TBC1D2B: variants seen among roughly 807,000 people sequenced by gnomAD.
TBC1D2B encodes the protein TBC1 domain family member 2B.
Under a neutral mutation model 100.8 loss-of-function variants are expected in TBC1D2B, and 64 were observed. The ratio of observed to expected loss-of-function variants is 0.64; its 90% CI spans 0.52 to 0.78. The LOEUF is 0.78. Among genes scored for constraint, TBC1D2B ranks in the 30% least tolerant of loss-of-function variants. The pLI, the probability that TBC1D2B is intolerant of heterozygous loss-of-function variation, is 0.00. For synonymous variants in TBC1D2B, 480 were observed against 479.7 expected, an observed-to-expected ratio of 1.00 and a Z score of -0.01; for missense variants, 1,052 against 1,218.4, an observed-to-expected ratio of 0.86 and a Z score of 2.03.
chr15:78,045,569 C>T (rs1259286424), intron 2 of TBC1D2B, among the ~76,000 whole-genome samples: 3 of 152,150 alleles, frequency 2.0e-5, no homozygotes, highest in African/African-American at 7.2e-5. Context: ...GTTTGCACAT[C>T]ACAGAATAGC....
At chr15:78,041,030 G>GT (rs1268591423) in intron 3 of TBC1D2B, among the ~76,000 whole-genome samples, 1 of 152,052 alleles carries the variant, frequency 6.6e-6, no homozygotes, top group Non-Finnish European at 1.5e-5. Context: ...TCCCAATTTT[G>GT]TTTGTTTCTT....
At chr15:78,036,616 A>G (rs1198279516) in intron 3 of TBC1D2B, among the ~76,000 whole-genome samples, 1 of 152,202 alleles carries the variant, frequency 6.6e-6, no homozygotes, top group Admixed American at 6.5e-5. Context: ...GCCAGGAACT[A>G]ACTCTGCCCT....
chr15:78,070,392 C>G (rs78752280), intron 1 of TBC1D2B, among the ~76,000 whole-genome samples: 2 of 152,194 alleles, frequency 1.3e-5, no homozygotes, highest in Non-Finnish European at 2.9e-5. Flanking sequence ...CATATCTTTC[C>G]TTTCAAACTT....
intron 1 of TBC1D2B, among the ~76,000 whole-genome samples, chr15:78,075,525 C>T (rs904188641): frequency 6.6e-6 from 1 of 152,166 alleles, no homozygotes; most frequent in South Asian, 2.1e-4. Context: ...CTACAGTCAT[C>T]TGGGAAAAAT....
At chr15:78,045,172 A>C in intron 2 of TBC1D2B, 104 bp from the exon 3 acceptor site, 1 of 995,834 alleles carries the variant, frequency 1.0e-6, no homozygotes, top group Non-Finnish European at 1.4e-6. Flanking sequence ...AATCTAAACT[A>C]TGTAATAGTA....
In TBC1D2B at chr15:77,995,041, C is replaced by T. The variant is rs1047142623; in HGVS notation, c.*3119G>A. On this transcript the variant is annotated 3_prime_UTR_variant, in exon 13 of 13. Coordinates refer to ENST00000300584, the MANE Select transcript of TBC1D2B (RefSeq NM_144572.2). ...TTAGTATTACAGTTCCAAAACGTAACTTGAAGGTCAGCACAGGAGCTGCTG... is the reference window on the plus strand; with the variant it reads ...TTAGTATTACAGTTCCAAAACGTAATTTGAAGGTCAGCACAGGAGCTGCTG... The T allele has an allele frequency of 7.2e-5, 11 of 152,242 alleles. No homozygotes were observed. Among genetic ancestry groups the T allele is most frequent in the African/African-American group, 2.7e-4 (11 of 41,468 alleles). The allele number at this position is 152,242 out of a possible 1,614,324, so 9.4% of individuals were successfully genotyped here. A position where few individuals can be genotyped will look rare whatever the true frequency, so the allele number is the denominator to read the frequency against.
In TBC1D2B at chr15:78,009,018, T is replaced by C. The variant is rs1316957738; in HGVS notation, c.2367A>G (p.Thr789=). 5.0e-6 allele frequency: 8 copies of C among 1,599,506 alleles called. No homozygotes were observed. The highest frequency in any genetic ancestry group is 6.0e-6 in the Non-Finnish European group (7 of 1,172,356). The change falls in exon 10 of 13, where the codon ACA becomes ACG. Residue 789 remains threonine (T), a synonymous_variant. Transcript: ENST00000300584. ...VEVFMPRDYY[T]KTLLGSQVDQ... is the part of the protein sequence containing the mutation. ...CTACCTGGGATCCTAAAAGAGTCTT[T>C]GTATAATAGTCTCGAGGCATGAAAA... is the stretch of plus-strand genomic sequence containing the variant.
At chr15:78,001,769 T>C in intron 11 of TBC1D2B, 29 bp from the exon 12 acceptor site, 1 of 1,585,910 alleles carries the variant, frequency 6.3e-7, no homozygotes, top group Non-Finnish European at 8.6e-7. Context: ...AATCTGTTAG[T>C]GGAAAAACCC....
At chr15:78,014,853 C>T (rs1238937680) in intron 8 of TBC1D2B, among the ~76,000 whole-genome samples, 1 of 152,222 alleles carries the variant, frequency 6.6e-6, no homozygotes, top group Non-Finnish European at 1.5e-5. Context: ...GTCAGAAATA[C>T]ACACTGAAGT....
chr15:78,068,871 G>A (rs964949421), intron 1 of TBC1D2B, among the ~76,000 whole-genome samples: 40 of 152,206 alleles, frequency 2.6e-4, no homozygotes, highest in Non-Finnish European at 4.7e-4. Flanking sequence ...CCAGCTGAGG[G>A]CTGGCCTGAC....
At position 78,009,023 on chromosome 15, in the gene TBC1D2B, A is replaced by G; in HGVS notation, c.2362T>C (p.Tyr788His). ...IVEVFMPRDY[Y>H]TKTLLGSQVD... ...TGGGATCCTAAAAGAGTCTTTGTATAATAGTCTCGAGGCATGAAAACTTCC... is the reference window on the plus strand; with the variant it reads ...TGGGATCCTAAAAGAGTCTTTGTATGATAGTCTCGAGGCATGAAAACTTCC... The change falls in exon 10 of 13, where the codon TAT (tyrosine) becomes CAT (histidine). Residue 788 changes from tyrosine to histidine, a missense_variant. Physicochemically the swap from Tyr to His is moderately conservative, Grantham distance 83. Around this residue, in one of 4 missense-constraint regions of TBC1D2B, gnomAD observed 373 missense variants for 464.9 expected, o/e 0.80. Transcript: ENST00000300584. The G allele has an allele frequency of 6.2e-7, 1 of 1,602,160 alleles. No homozygotes were observed. Among genetic ancestry groups the G allele is most frequent in the South Asian group, 1.1e-5 (1 of 88,634 alleles).
At chr15:78,026,429 C>T (rs2072671168) in intron 4 of TBC1D2B, among the ~76,000 whole-genome samples, 2 of 152,144 alleles carry the variant, frequency 1.3e-5, no homozygotes, top group Non-Finnish European at 2.9e-5. Flanking sequence ...TGCCTTCCAC[C>T]AAGGGACTAT....
At chr15:78,039,400 C>T (rs1438193023) in intron 3 of TBC1D2B, among the ~76,000 whole-genome samples, 1 of 152,132 alleles carries the variant, frequency 6.6e-6, no homozygotes, top group Non-Finnish European at 1.5e-5. Flanking sequence ...ACTCTTTCTA[C>T]CAGGCCTGAG....
chr15:78,034,562 C>G, intron 3 of TBC1D2B: 1 of 985,414 alleles, frequency 1.0e-6, no homozygotes, highest in Non-Finnish European at 1.2e-6. Context: ...GGGACACCCC[C>G]ACACGGCCTG....
chr15:78,034,647 C>T, intron 3 of TBC1D2B: 1 of 985,406 alleles, frequency 1.0e-6, no homozygotes, highest in Non-Finnish European at 1.2e-6. Flanking sequence ...TTTTGGGTTT[C>T]CAGCCTGTTG....
chr15:78,046,661 C>T (rs1596323580), intron 2 of TBC1D2B, among the ~76,000 whole-genome samples: 1 of 151,790 alleles, frequency 6.6e-6, no homozygotes, highest in East Asian at 1.9e-4. Flanking sequence ...TTTGTAGAGA[C>T]AGGGTTTGCC....
At chr15:78,038,492 G>A (rs2073001453) in intron 3 of TBC1D2B, among the ~76,000 whole-genome samples, 1 of 152,232 alleles carries the variant, frequency 6.6e-6, no homozygotes, top group Admixed American at 6.5e-5. Flanking sequence ...CAGAGGAAAT[G>A]ACAGGGGTCA....
intron 5 of TBC1D2B, 128 bp downstream of exon 5, chr15:78,025,131 G>A: frequency 1.3e-6 from 1 of 748,872 alleles, no homozygotes; most frequent in Non-Finnish European, 2.2e-6. Flanking sequence ...GAAACCTCCA[G>A]GGGAAAAGCA....
chr15:78,002,451 G>C (rs1002617035), intron 11 of TBC1D2B: 2 of 151,872 alleles, frequency 1.3e-5, no homozygotes, highest in African/African-American at 4.8e-5. Context: ...CAAAGTGCTA[G>C]GATTACAAGT....
Sources: allele counts gnomAD v4.1 joint callset (sites outside exome capture counted in the v4.1 genomes callset), GRCh38; gene constraint gnomAD v4.1.1; regional missense constraint gnomAD v4.1.1; transcripts MANE v1.5; gene names NCBI Gene and HGNC (gene_info 2026-07-23, HGNC 2026-07-21).